The following MAGOH variants were observed in gnomAD, a reference collection of about 807,000 sequenced individuals.
The protein encoded by MAGOH is mago homolog, exon junction complex subunit, also known as protein mago nashi homolog.
A neutral mutation model predicts 20.9 loss-of-function variants in MAGOH; 3 were observed. The ratio of observed to expected loss-of-function variants is 0.14; its 90% CI spans 0.07 to 0.37. MAGOH has a LOEUF of 0.37. Among genes scored for constraint, MAGOH ranks in the 10% least tolerant of loss-of-function variants. MAGOH has a pLI of 1.00. For synonymous variants in MAGOH, 51 were observed against 61.0 expected (o/e 0.84, Z 0.76); for missense variants, 66 against 178.1 (o/e 0.37, Z 3.58).
intron 2 of MAGOH, among the ~76,000 whole-genome samples, chr1:53,235,361 G>A (rs1380270994): frequency 6.6e-6 from 1 of 152,028 alleles, no homozygotes. Context: ...TTCAAACCAA[G>A]GTATGTCAAA....
intron 1 of MAGOH, among the ~76,000 whole-genome samples, chr1:53,236,205 G>A (rs921891640): frequency 6.6e-6 from 1 of 152,204 alleles, no homozygotes; most frequent in Non-Finnish European, 1.5e-5. Flanking sequence ...TAGACTAGAA[G>A]ACATACATGT....
At chr1:53,233,795 C>T (rs909122908) in intron 2 of MAGOH, 143 bp from the exon 3 acceptor site, 2 of 625,620 alleles carry the variant, frequency 3.2e-6, no homozygotes, top group South Asian at 1.8e-5. Context: ...TGCTCAACCT[C>T]GGCATGATGC....
chr1:53,238,235 A>G, intron 1 of MAGOH, 126 bp downstream of exon 1: 2 of 808,372 alleles, frequency 2.5e-6, no homozygotes, highest in African/African-American at 1.7e-5. Flanking sequence ...TTCCTTTAAG[A>G]TCTGCACTGC....
intron 1 of MAGOH, among the ~76,000 whole-genome samples, chr1:53,237,113 T>C (rs2100310301): frequency 6.6e-6 from 1 of 151,616 alleles, no homozygotes; most frequent in African/African-American, 2.4e-5. Flanking sequence ...CACACCCGGC[T>C]AATTTTTGTA....
chr1:53,236,975 G>A (rs1572398339), intron 1 of MAGOH, among the ~76,000 whole-genome samples: 1 of 132,420 alleles, frequency 7.6e-6, no homozygotes, highest in African/African-American at 2.8e-5. Flanking sequence ...TTTTGAGACA[G>A]AGTCTTGCTC....
rs759547631 is a variant in MAGOH at position 53,233,605 on chromosome 1, G to A, written c.195C>T (p.Asp65=). ...SVMEELKRII[D]DSEITKEDDA... is the part of the protein sequence containing the mutation. Reference sequence around the variant, plus strand: ...CATCCTCTTTGGTAATTTCACTGTCGTCAATTATTCTCTTCAGTTCCTCCA... The same window carrying A: ...CATCCTCTTTGGTAATTTCACTGTCATCAATTATTCTCTTCAGTTCCTCCA... Residue 65 remains aspartate, a synonymous_variant, in exon 3 of 5, where the codon GAC becomes GAT. Transcript: ENST00000371470. 6 of 1,614,048 alleles carry A rather than the reference G, an allele frequency of 3.7e-6. No individual in the cohort carries two copies. The highest frequency in any genetic ancestry group is 1.3e-5 in the African/African-American group (1 of 75,026).
At chr1:53,232,009 G>A (rs917329000) in intron 3 of MAGOH, among the ~76,000 whole-genome samples, 2 of 152,126 alleles carry the variant, frequency 1.3e-5, no homozygotes. Flanking sequence ...TAATGGAATT[G>A]ATTTTAATTA....
intron 1 of MAGOH, 136 bp from the exon 2 acceptor site, chr1:53,235,771 T>G: frequency 1.5e-6 from 1 of 687,854 alleles, no homozygotes; most frequent in Non-Finnish European, 2.6e-6. Context: ...TATTTACTCT[T>G]AAGGTATTTC....
chr1:53,231,122 T>C (rs1299221728), intron 3 of MAGOH, among the ~76,000 whole-genome samples: 3 of 152,246 alleles, frequency 2.0e-5, no homozygotes, highest in Non-Finnish European at 4.4e-5. Flanking sequence ...TTTATTCTAA[T>C]GGGTCTGAAA....
At chr1:53,229,939 A>C (rs537066141) in intron 3 of MAGOH, among the ~76,000 whole-genome samples, 23 of 152,242 alleles carry the variant, frequency 1.5e-4, no homozygotes, top group Admixed American at 4.6e-4. Flanking sequence ...AAACAAAAAC[A>C]AAAACCAAAG....
At chr1:53,228,779 A>C (rs1297253172) in intron 4 of MAGOH, 93 bp downstream of exon 4, 3 of 943,902 alleles carry the variant, frequency 3.2e-6, no homozygotes, top group African/African-American at 1.6e-5. Flanking sequence ...CATTTGCCCC[A>C]GCTCTTCCCA....
At position 53,226,971 on chromosome 1, in the gene MAGOH, T is replaced by C. The variant is rs777193599; in HGVS notation, c.*74A>G. On this transcript the variant is annotated 3_prime_UTR_variant, in exon 5 of 5. Transcript: ENST00000371470. ...ATTAAAGACAATCATTTATAGTTCA[T>C]AAAAAAATACTGCCCTGATATACAC... is the stretch of plus-strand genomic sequence containing the variant. The C allele has an allele frequency of 8.2e-6, 6 of 730,466 alleles. No individual in the cohort carries two copies. The highest frequency in any genetic ancestry group is 1.9e-5 in the African/African-American group (1 of 53,654). The allele number at this position is 730,466 out of a possible 1,614,324, so 45.2% of individuals were successfully genotyped here.
At chr1:53,237,131 T>C (rs1403524449) in intron 1 of MAGOH, among the ~76,000 whole-genome samples, 3 of 151,198 alleles carry the variant, frequency 2.0e-5, no homozygotes, top group Non-Finnish European at 4.4e-5. Context: ...GTATTTTTAG[T>C]AGAGGCGGGG....
chr1:53,233,442 TAGTA>T lies in MAGOH; in HGVS notation c.258+96_258+99del, dbSNP rs1328807286. The T allele has an allele frequency of 3.1e-5, 23 of 737,290 alleles. No homozygotes were observed. In the South Asian group the frequency reaches 3.7e-4, roughly 12 times the overall value. 45.7% of individuals were successfully genotyped at this position (737,290 alleles called of 1,614,324 possible). A position where few individuals can be genotyped will look rare whatever the true frequency, so the allele number is the denominator to read the frequency against. ...TCCACAATGCTTTGTCCATAGTAGT[TAGTA>T]AGTGAGATAGGCAACAAAAGCTTTA... On this transcript the variant is annotated intron_variant, in intron 3 of 4. Coordinates refer to ENST00000371470, the MANE Select transcript of MAGOH (RefSeq NM_002370.4).
chr1:53,227,213 A>G (rs1645564825), intron 4 of MAGOH, 69 bp from the exon 5 acceptor site: 1 of 763,952 alleles, frequency 1.3e-6, no homozygotes, highest in Non-Finnish European at 2.1e-6. Context: ...AAAAAGGAAA[A>G]GACTATATAT....
intron 4 of MAGOH, among the ~76,000 whole-genome samples, chr1:53,227,765 C>A (rs1018431802): frequency 4.6e-5 from 7 of 152,016 alleles, no homozygotes; most frequent in African/African-American, 1.7e-4. Flanking sequence ...TCTTGAACTC[C>A]CGACCTCAGG....
rs756361031 is a variant in MAGOH at position 53,238,351 on chromosome 1, C to T, written c.88+10G>A. The T allele has an allele frequency of 3.7e-6, 6 of 1,613,914 alleles. No homozygotes were observed. The highest frequency in any genetic ancestry group is 5.1e-6 in the Non-Finnish European group (6 of 1,179,900). On this transcript the variant is annotated intron_variant, in intron 1 of 4. Coordinates refer to ENST00000371470, the MANE Select transcript of MAGOH (RefSeq NM_002370.4). ...GTCCCCGCTCCCGGCGGGCGGCAGGCTGCTTTTACCGTCCGGTCGAAACTC... is the reference window on the plus strand; with the variant it reads ...GTCCCCGCTCCCGGCGGGCGGCAGGTTGCTTTTACCGTCCGGTCGAAACTC...
intron 1 of MAGOH, 49 bp downstream of exon 1, chr1:53,238,312 G>C (rs373777384): frequency 1.5e-5 from 24 of 1,578,234 alleles, no homozygotes; most frequent in Non-Finnish European, 2.1e-5. Context: ...CCCACTCGCC[G>C]GCCCCCAGGC....
Position 53,227,020 on chromosome 1 carries a change from C to A in MAGOH, c.*25G>T. ...ACAAAATTTTCTACTCCCACCCACC[C>A]CCCATGTCCACACCAATATTCAGTC... On this transcript the variant is annotated 3_prime_UTR_variant, in exon 5 of 5. Transcript: ENST00000371470. 2.7e-6 allele frequency: 3 copies of A among 1,099,808 alleles called. No individual in the cohort carries two copies. The highest frequency in any genetic ancestry group is 2.9e-5 in the South Asian group (2 of 68,802). The allele number at this position is 1,099,808 out of a possible 1,614,324, so 68.1% of individuals were successfully genotyped here. A position where few individuals can be genotyped will look rare whatever the true frequency, so the allele number is the denominator to read the frequency against.
Sources: gnomAD v4.1 joint callset for allele counts (sites outside exome capture counted in the v4.1 genomes callset) on GRCh38, gnomAD v4.1.1 for gene constraint, MANE v1.5 for transcripts, NCBI Gene and HGNC (gene_info 2026-07-23, HGNC 2026-07-21) for gene names.